The following SLC4A4 variants were observed in gnomAD, a reference collection of about 807,000 sequenced individuals.
The protein encoded by SLC4A4 is electrogenic sodium bicarbonate cotransporter 1.
SLC4A4 carries 27 observed loss-of-function variants against 111.5 expected under a neutral mutation model. That is an observed-to-expected ratio of 0.24 (90% CI 0.18 to 0.33). SLC4A4 has a LOEUF of 0.33. Among genes scored for constraint, SLC4A4 ranks in the 10% least tolerant of loss-of-function variants. The probability of loss-of-function intolerance (pLI) is 1.00; values close to 1 mark genes in which losing one functional copy is unlikely to be tolerated. For missense variants in SLC4A4, 909 were observed against 1,315.5 expected, an observed-to-expected ratio of 0.69 and a Z score of 4.78; for synonymous variants, 443 against 463.4, an observed-to-expected ratio of 0.96 and a Z score of 0.57.
chr4:71,290,725 A>G (rs1373928239), intron 3 of SLC4A4, among the ~76,000 whole-genome samples: 1 of 152,226 alleles, frequency 6.6e-6, no homozygotes, highest in Non-Finnish European at 1.5e-5. Context: ...CTCATATTAT[A>G]CAAACCCATC....
At chr4:71,536,744 T>A (rs1282175096) in intron 18 of SLC4A4, among the ~76,000 whole-genome samples, 3 of 151,246 alleles carry the variant, frequency 2.0e-5, no homozygotes, top group African/African-American at 7.3e-5. Context: ...TCCGCCCACC[T>A]TGGCCTCCCA....
chr4:71,519,518 T>C (rs1259415405), intron 16 of SLC4A4, among the ~76,000 whole-genome samples: 2 of 152,228 alleles, frequency 1.3e-5, no homozygotes, highest in African/African-American at 2.4e-5. Context: ...TTTCTAAAGG[T>C]CAGTGTGTAA....
At chr4:71,566,195 TA>T (rs1428444180) in intron 24 of SLC4A4, among the ~76,000 whole-genome samples, 3 of 151,856 alleles carry the variant, frequency 2.0e-5, no homozygotes, top group Non-Finnish European at 4.4e-5. Flanking sequence ...TAATTTCTGC[TA>T]ACCCCTATTA....
chr4:71,516,630 T>C (rs1175305312), intron 16 of SLC4A4, among the ~76,000 whole-genome samples: 2 of 152,142 alleles, frequency 1.3e-5, no homozygotes, highest in Non-Finnish European at 2.9e-5. Flanking sequence ...TCTTCTGTAT[T>C]TCAGATTGCA....
intron 1 of SLC4A4, among the ~76,000 whole-genome samples, chr4:71,082,990 A>G (rs1255964242): frequency 6.6e-6 from 1 of 151,684 alleles, no homozygotes; most frequent in Non-Finnish European, 1.5e-5. Flanking sequence ...AGTAGCTGGG[A>G]TTACAGGCGC....
chr4:71,221,543 C>T (rs941216737), intron 1 of SLC4A4, among the ~76,000 whole-genome samples: 26 of 152,192 alleles, frequency 1.7e-4, no homozygotes, highest in South Asian at 8.3e-4. Flanking sequence ...CAATTTGAAT[C>T]GTGGGTGTTA....
intron 7 of SLC4A4, among the ~76,000 whole-genome samples, chr4:71,431,501 G>A (rs990517939): frequency 1.3e-5 from 2 of 152,134 alleles, no homozygotes; most frequent in African/African-American, 4.8e-5. Flanking sequence ...TGGAGGACAT[G>A]GAGGGTAGAG....
At chr4:71,520,411 G>A (rs1238832446) in intron 16 of SLC4A4, among the ~76,000 whole-genome samples, 1 of 152,170 alleles carries the variant, frequency 6.6e-6, no homozygotes, top group Non-Finnish European at 1.5e-5. Flanking sequence ...AATACTTCTT[G>A]ACTAGTGGAA....
chr4:71,421,592 C>G (rs562577432), intron 7 of SLC4A4, among the ~76,000 whole-genome samples: 4 of 152,140 alleles, frequency 2.6e-5, no homozygotes, highest in Non-Finnish European at 4.4e-5. Context: ...GGAAGTAAAG[C>G]TCTCCTCAGC....
At chr4:71,560,366 T>C in intron 23 of SLC4A4, 112 bp downstream of exon 23, 6 of 1,218,084 alleles carry the variant, frequency 4.9e-6, no homozygotes, top group African/African-American at 1.5e-5. Flanking sequence ...AATGTTTATC[T>C]GGACATGTGG....
At chr4:71,351,344 A>C (rs933533771) in intron 5 of SLC4A4, among the ~76,000 whole-genome samples, 1 of 152,198 alleles carries the variant, frequency 6.6e-6, no homozygotes, top group African/African-American at 2.4e-5. Flanking sequence ...CTCTTCTTAC[A>C]GATGATTTAA....
chr4:71,230,744 T>C (rs1002365672), intron 1 of SLC4A4, among the ~76,000 whole-genome samples: 4 of 152,168 alleles, frequency 2.6e-5, no homozygotes, highest in Non-Finnish European at 5.9e-5. Context: ...CATCGTTAAG[T>C]GCAGAGCAGG....
chr4:71,565,305 A>G (rs1560627905), intron 24 of SLC4A4, among the ~76,000 whole-genome samples: 1 of 151,808 alleles, frequency 6.6e-6, no homozygotes, highest in Admixed American at 6.6e-5. Flanking sequence ...CTCCTCACTG[A>G]GAGATGTGAT....
intron 2 of SLC4A4, among the ~76,000 whole-genome samples, chr4:71,181,913 T>C (rs1578559477): frequency 6.6e-6 from 1 of 152,174 alleles, no homozygotes; most frequent in Non-Finnish European, 1.5e-5. Context: ...TATGTCTTCC[T>C]TTTGAGGTGA....
At chr4:71,433,614 C>A (rs1373474636) in intron 7 of SLC4A4, among the ~76,000 whole-genome samples, 1 of 152,106 alleles carries the variant, frequency 6.6e-6, no homozygotes, top group Non-Finnish European at 1.5e-5. Context: ...GTTTCTTTTG[C>A]TGTGCAGAAG....
intron 9 of SLC4A4, among the ~76,000 whole-genome samples, chr4:71,450,119 C>A (rs1725620870): frequency 6.6e-6 from 1 of 152,114 alleles, no homozygotes; most frequent in Non-Finnish European, 1.5e-5. Context: ...CCAGTGGGAG[C>A]TGAAAGGCAA....
At chr4:71,286,923 T>G (rs905171300) in intron 3 of SLC4A4, among the ~76,000 whole-genome samples, 8 of 149,122 alleles carry the variant, frequency 5.4e-5, no homozygotes, top group Non-Finnish European at 7.4e-5. Context: ...TATTATGAGT[T>G]TTTTTTTTTT....
chr4:71,143,617 C>T (rs2148967693), intron 2 of SLC4A4, among the ~76,000 whole-genome samples: 1 of 152,272 alleles, frequency 6.6e-6, no homozygotes, highest in Non-Finnish European at 1.5e-5. Flanking sequence ...CCTGTTGTTT[C>T]CTGACTTTTT....
At chr4:71,295,365 C>G (rs1420010904) in intron 3 of SLC4A4, among the ~76,000 whole-genome samples, 1 of 152,128 alleles carries the variant, frequency 6.6e-6, no homozygotes, top group Non-Finnish European at 1.5e-5. Flanking sequence ...TATCCAGCAA[C>G]CCCTGGACTG....
Sources: gnomAD v4.1 joint callset for allele counts (sites outside exome capture counted in the v4.1 genomes callset) on GRCh38, gnomAD v4.1.1 for gene constraint, MANE v1.5 for transcripts, NCBI Gene and HGNC (gene_info 2026-07-23, HGNC 2026-07-21) for gene names.